The following CSGALNACT1 variants were observed in gnomAD, a reference collection of about 807,000 sequenced individuals.
CSGALNACT1 encodes the protein chondroitin sulfate N-acetylgalactosaminyltransferase 1, also known as beta4GalNAcT-1.
A neutral mutation model predicts 51.0 loss-of-function variants in CSGALNACT1; 52 were observed. The observed-to-expected ratio is 1.02, with a 90% CI of 0.82 to 1.29. CSGALNACT1 has a LOEUF of 1.29. Among genes scored for constraint, CSGALNACT1 ranks in the 50% most tolerant of loss-of-function variants. CSGALNACT1 has a pLI of 0.00. For synonymous variants in CSGALNACT1, 341 were observed against 254.4 expected, an observed-to-expected ratio of 1.34 and a Z score of -3.24; for missense variants, 935 against 679.2, an observed-to-expected ratio of 1.38 and a Z score of -4.19.
chr8:19,424,592 A>C (rs2058486279), intron 6 of CSGALNACT1, among the ~76,000 whole-genome samples: 1 of 152,236 alleles, frequency 6.6e-6, no homozygotes, highest in Admixed American at 6.5e-5. Context: ...AGTACTGGCC[A>C]TGTGGGCTCT....
chr8:19,618,428 G>A (rs1453365701), intron 1 of CSGALNACT1, among the ~76,000 whole-genome samples: 2 of 151,780 alleles, frequency 1.3e-5, no homozygotes, highest in Non-Finnish European at 2.9e-5. Flanking sequence ...ATCACTTGAG[G>A]TCAGGAGTTC....
At chr8:19,420,767 T>C (rs1247299217) in intron 6 of CSGALNACT1, among the ~76,000 whole-genome samples, 1 of 152,206 alleles carries the variant, frequency 6.6e-6, no homozygotes, top group African/African-American at 2.4e-5. Context: ...TTTCCCCGTA[T>C]TGAAAACACT....
At chr8:19,755,116 A>G (rs2065273472) in intron 1 of CSGALNACT1, among the ~76,000 whole-genome samples, 1 of 152,218 alleles carries the variant, frequency 6.6e-6, no homozygotes, top group Admixed American at 6.5e-5. Context: ...AGGAAAGAGG[A>G]AAGATGAGGA....
chr8:19,438,299 G>A (rs564520001), intron 6 of CSGALNACT1, among the ~76,000 whole-genome samples: 56 of 152,222 alleles, frequency 3.7e-4, no homozygotes, highest in African/African-American at 1.3e-3. Flanking sequence ...AGAATCATCC[G>A]GGAAACTTTA....
chr8:19,699,981 G>A (rs984382883), intron 1 of CSGALNACT1, among the ~76,000 whole-genome samples: 16 of 151,770 alleles, frequency 1.1e-4, no homozygotes, highest in South Asian at 4.2e-4. Context: ...GCATGGTGGC[G>A]CGTGCCTGTA....
At position 19,601,601 on chromosome 8, in the gene CSGALNACT1, A is replaced by T. The variant is rs188585556; in HGVS notation, c.-416+170T>A. Among the ~76,000 whole-genome samples, 110 of 152,360 alleles carry T rather than the reference A, an allele frequency of 7.2e-4. 2 individuals carry two copies. Among genetic ancestry groups the T allele is most frequent in the African/African-American group, 2.5e-3 (104 of 41,588 alleles). On this transcript the variant is annotated intron_variant, in intron 2 of 9. Coordinates refer to ENST00000454498, the Ensembl canonical transcript of CSGALNACT1. The stretch of plus-strand genomic sequence containing the variant: ...TGAATGAAAAGGATTCAATGGAGCC[A>T]AGTAATTGTATTATTTTGGAAGAAG...
At chr8:19,474,287 T>A (rs1032722805) in intron 4 of CSGALNACT1, among the ~76,000 whole-genome samples, 16 of 152,282 alleles carry the variant, frequency 1.1e-4, no homozygotes, top group African/African-American at 3.8e-4. Context: ...GTAGACCCAA[T>A]TCTTCCTCTA....
At chr8:19,450,074 GGGA>G (rs2062827542) in intron 5 of CSGALNACT1, among the ~76,000 whole-genome samples, 1 of 126,300 alleles carries the variant, frequency 7.9e-6, no homozygotes, top group Non-Finnish European at 1.7e-5. Context: ...AAGAAAGAGG[GGGA>G]GGAGGGGGAG....
intron 1 of CSGALNACT1, among the ~76,000 whole-genome samples, chr8:19,747,982 T>C (rs1434204687): frequency 6.6e-6 from 1 of 152,174 alleles, no homozygotes; most frequent in Non-Finnish European, 1.5e-5. Flanking sequence ...GTCATAGGTA[T>C]ATCCAAAGAA....
chr8:19,728,174 C>T (rs1164304139), intron 1 of CSGALNACT1, among the ~76,000 whole-genome samples: 1 of 152,064 alleles, frequency 6.6e-6, no homozygotes, highest in African/African-American at 2.4e-5. Flanking sequence ...TGTAAAATCT[C>T]GTAGGGTTGT....
intron 5 of CSGALNACT1, among the ~76,000 whole-genome samples, chr8:19,447,854 CA>C (rs1299387122): frequency 6.6e-6 from 1 of 152,126 alleles, no homozygotes; most frequent in African/African-American, 2.4e-5. Flanking sequence ...GACAAAGCTA[CA>C]AAAAACGTGA....
At chr8:19,688,694 C>A (rs1161528010) in intron 1 of CSGALNACT1, 2 of 152,250 alleles carry the variant, frequency 1.3e-5, no homozygotes, top group African/African-American at 4.8e-5. Context: ...TCTCAGCCCA[C>A]TGTATCCTTC....
chr8:19,598,556 A>T (rs1307499737), intron 2 of CSGALNACT1, among the ~76,000 whole-genome samples: 1 of 152,308 alleles, frequency 6.6e-6, no homozygotes, highest in East Asian at 1.9e-4. Flanking sequence ...TACTTATAAC[A>T]TCTGCTTCCT....
intron 3 of CSGALNACT1, among the ~76,000 whole-genome samples, chr8:19,524,974 C>CA (rs2081384069): frequency 6.6e-6 from 1 of 152,188 alleles, no homozygotes; most frequent in African/African-American, 2.4e-5. Context: ...TAAACCAGAA[C>CA]AGTATCTCTG....
intron 5 of CSGALNACT1, among the ~76,000 whole-genome samples, chr8:19,456,640 C>G (rs1464616418): frequency 2.0e-5 from 3 of 152,164 alleles, no homozygotes; most frequent in Admixed American, 2.0e-4. Context: ...GAAGCCAAAA[C>G]TATAAAAACA....
At chr8:19,649,661 A>G (rs928637552) in intron 1 of CSGALNACT1, among the ~76,000 whole-genome samples, 3 of 151,878 alleles carry the variant, frequency 2.0e-5, no homozygotes, top group Non-Finnish European at 2.9e-5. Flanking sequence ...GAATGATAAA[A>G]TATCCATACA....
At chr8:19,649,846 C>A (rs914688717) in intron 1 of CSGALNACT1, among the ~76,000 whole-genome samples, 123 of 12,580 alleles carry the variant, frequency 9.8e-3, no homozygotes, top group Non-Finnish European at 0.012. Flanking sequence ...AAAAAAAAAA[C>A]CACGGGGGGA....
chr8:19,709,129 A>G (rs2062352698), intron 1 of CSGALNACT1, among the ~76,000 whole-genome samples: 1 of 152,216 alleles, frequency 6.6e-6, no homozygotes, highest in Non-Finnish European at 1.5e-5. Flanking sequence ...ACAGGGCTGG[A>G]TTCAAGAACG....
intron 4 of CSGALNACT1, among the ~76,000 whole-genome samples, chr8:19,475,366 G>C (rs955013715): frequency 6.6e-6 from 1 of 152,152 alleles, no homozygotes; most frequent in East Asian, 1.9e-4. Context: ...GGGTCTGTTT[G>C]GATCTTGGTT....
Sources: allele counts gnomAD v4.1 joint callset (sites outside exome capture counted in the v4.1 genomes callset), GRCh38; gene constraint gnomAD v4.1.1; transcripts MANE v1.5; gene names NCBI Gene and HGNC (gene_info 2026-07-23, HGNC 2026-07-21).